The following ERAP1 variants were observed in gnomAD, a reference collection of about 807,000 sequenced individuals.
The protein encoded by ERAP1 is adipocyte-derived leucine aminopeptidase.
In ERAP1, 86 loss-of-function variants were observed where a neutral mutation model predicts 103.7. The observed-to-expected ratio is 0.83, with a 90% CI of 0.70 to 0.99. The LOEUF (loss-of-function observed/expected upper bound fraction) is 0.99, where lower values mean the gene tolerates loss of function less well. Among genes scored for constraint, ERAP1 ranks in the 50% least tolerant of loss-of-function variants. ERAP1 has a pLI of 0.00. For missense variants in ERAP1, 1,009 were observed against 1,128.4 expected (o/e 0.89, Z 1.52); for synonymous variants, 398 against 402.4 (o/e 0.99, Z 0.13).
the ERAP1 span, chr5:96,934,069 A>C: frequency 6.6e-6 from 1 of 152,268 alleles, no homozygotes; most frequent in African/African-American, 2.4e-5. Context: ...TGAACTCTAA[A>C]CACCACTATG....
intron 19 of ERAP1, among the ~76,000 whole-genome samples, chr5:96,764,355 C>T (rs1561612218): frequency 6.6e-6 from 1 of 152,154 alleles, no homozygotes; most frequent in Non-Finnish European, 1.5e-5. Flanking sequence ...GTTAAATAAG[C>T]TGCCTGAATC....
At chr5:96,864,988 A>G in the ERAP1 span, among the ~76,000 whole-genome samples, 1 of 152,178 alleles carries the variant, frequency 6.6e-6, no homozygotes, top group Non-Finnish European at 1.5e-5. Context: ...AACTTCAAAA[A>G]CAAGCCCTGG....
At chr5:96,878,798 C>A in the ERAP1 span, among the ~76,000 whole-genome samples, 11 of 152,008 alleles carry the variant, frequency 7.2e-5, no homozygotes, top group African/African-American at 2.7e-4. Flanking sequence ...TGTGGTGGCA[C>A]ATACCTGTAA....
Position 96,783,127 on chromosome 5 carries a change from C to T in ERAP1, c.2209G>A (p.Val737Met). 1.2e-6 allele frequency: 2 copies of T among 1,614,178 alleles called. No homozygotes were observed. The highest frequency in any genetic ancestry group is 1.7e-6 in the Non-Finnish European group (2 of 1,180,030). Residue 737 changes from valine to methionine, a missense_variant, in exon 15 of 19, where the codon GTG becomes ATG. Val to Met is a conservative substitution (Grantham distance 21). This residue lies in a region of ERAP1 where 611 missense variants were observed against 651.7 expected (regional missense o/e 0.94). Transcript: ENST00000443439. ...LRSQLLLLACVHNYQPCVQRA... is the reference protein window; with the variant it reads ...LRSQLLLLACMHNYQPCVQRA... ...TGTACGCACGGCTGATAGTTGTGCA[C>T]ACAGGCGAGGAGTAGTAGTTGACTC...
the ERAP1 span, among the ~76,000 whole-genome samples, chr5:96,824,882 C>G: frequency 1.3e-5 from 2 of 152,238 alleles, no homozygotes; most frequent in African/African-American, 4.8e-5. Flanking sequence ...AACCCTATTT[C>G]TACCAAAAAT....
At chr5:96,847,155 G>A in the ERAP1 span, among the ~76,000 whole-genome samples, 11 of 151,040 alleles carry the variant, frequency 7.3e-5, no homozygotes, top group African/African-American at 2.7e-4. Context: ...GGCTGAGGCA[G>A]GAGAATCGCT....
chr5:96,837,425 A>G, the ERAP1 span, among the ~76,000 whole-genome samples: 1 of 152,336 alleles, frequency 6.6e-6, no homozygotes, highest in South Asian at 2.1e-4. Flanking sequence ...GTGGGCGGGA[A>G]CTGGAGTGCA....
chr5:96,769,551 A>C (rs571238954), downstream of ERAP1: 3 of 152,238 alleles, frequency 2.0e-5, no homozygotes, highest in South Asian at 6.2e-4. Flanking sequence ...GTAGGGAAGC[A>C]GATTTACATA....
At chr5:96,800,222 A>T (rs28048) in intron 3 of ERAP1, among the ~76,000 whole-genome samples, 34,290 of 152,114 alleles carry the variant, frequency 0.23, 3,929 homozygotes, top group East Asian at 0.27. Context: ...GAACAGTTTT[A>T]TTCATTTGGC....
At chr5:96,810,075 C>T (rs567370693), upstream of ERAP1, among the ~76,000 whole-genome samples, 1 of 151,618 alleles carries the variant, frequency 6.6e-6, no homozygotes, top group African/African-American at 2.4e-5. Flanking sequence ...CACCACCACC[C>T]GCTCCACGCC....
intron 18 of ERAP1, among the ~76,000 whole-genome samples, chr5:96,778,714 T>C (rs1774712776): frequency 6.6e-6 from 1 of 152,156 alleles, no homozygotes; most frequent in African/African-American, 2.4e-5. Context: ...TGTTTTGCTA[T>C]TGGCAAAGTG....
chr5:96,919,328 T>C, the ERAP1 span: 19 of 152,360 alleles, frequency 1.2e-4, 1 homozygote, highest in Admixed American at 1.0e-3. Context: ...TATCTTTGAC[T>C]CTAACTTTGA....
At chr5:96,882,882 G>A in the ERAP1 span, among the ~76,000 whole-genome samples, 1 of 152,016 alleles carries the variant, frequency 6.6e-6, no homozygotes, top group African/African-American at 2.4e-5. Context: ...TCTTATTTGA[G>A]CTATTCTATT....
the ERAP1 span, among the ~76,000 whole-genome samples, chr5:96,853,861 AAAG>A: frequency 2.6e-5 from 4 of 151,688 alleles, no homozygotes; most frequent in Middle Eastern, 3.4e-3. Flanking sequence ...AAAAAAAAAA[AAAG>A]AAGCATGAGG....
chr5:96,793,009 TAAG>T (rs1381150278), intron 7 of ERAP1, among the ~76,000 whole-genome samples: 2 of 152,132 alleles, frequency 1.3e-5, no homozygotes, highest in Non-Finnish European at 2.9e-5. Flanking sequence ...GCAGTTACCT[TAAG>T]TATAACTCAT....
chr5:96,788,704 G>A lies in ERAP1; in HGVS notation c.1525-19C>T. 1 of 1,612,846 alleles carries A rather than the reference G, an allele frequency of 6.2e-7. No individual in the cohort carries two copies. The highest frequency in any genetic ancestry group is 1.7e-5 in the Admixed American group (1 of 59,914). On this transcript the variant is annotated intron_variant, in intron 10 of 18. Transcript: ENST00000443439. Reference sequence around the variant, plus strand: ...GCCAATGCTGGTGTGTACACAAAAAGGCAGACACATCACCCATTTAACCCA... The same window carrying A: ...GCCAATGCTGGTGTGTACACAAAAAAGCAGACACATCACCCATTTAACCCA...
At chr5:96,769,741 C>T (rs1771546504), downstream of ERAP1, 1 of 151,650 alleles carries the variant, frequency 6.6e-6, no homozygotes, top group Non-Finnish European at 1.5e-5. Flanking sequence ...GTTTCCTCCT[C>T]CTGTTCCCTA....
chr5:96,793,271 A>G (rs1776937369), intron 7 of ERAP1, 129 bp downstream of exon 7: 1 of 769,568 alleles, frequency 1.3e-6, no homozygotes, highest in African/African-American at 1.7e-5. Context: ...ATTCATATCT[A>G]AACTGTCAAG....
At chr5:96,815,690 A>G in the ERAP1 span, among the ~76,000 whole-genome samples, 2 of 151,750 alleles carry the variant, frequency 1.3e-5, no homozygotes, top group Admixed American at 1.3e-4. Context: ...GGGATTACAG[A>G]CACACTCAGC....
Sources: allele counts gnomAD v4.1 joint callset (sites outside exome capture counted in the v4.1 genomes callset), GRCh38; gene constraint gnomAD v4.1.1; regional missense constraint gnomAD v4.1.1; transcripts MANE v1.5; gene names NCBI Gene and HGNC (gene_info 2026-07-23, HGNC 2026-07-21).